CA6: variants seen among roughly 807,000 people sequenced by gnomAD.
The protein encoded by CA6 is carbonate dehydratase VI.
Under a neutral mutation model 35.9 loss-of-function variants are expected in CA6, and 28 were observed. The observed-to-expected ratio is 0.78, with a 90% CI of 0.58 to 1.07. CA6 has a LOEUF of 1.07. CA6 is among the 50% of genes least tolerant of loss of function. The pLI is 0.00. For missense variants in CA6, 377 were observed against 382.0 expected (o/e 0.99, Z 0.11); for synonymous variants, 148 against 152.6 (o/e 0.97, Z 0.22).
In CA6 at chr1:8,957,210, C is replaced by T; in HGVS notation, c.333C>T (p.His111=). The change falls in exon 3 of 8, where the codon CAC becomes CAT. Residue 111 remains histidine, a synonymous_variant. Transcript: ENST00000377443. ...CTGTATACATAGCCCAGCAGATGCA[C>T]TTTCACTGGGGAGGTGCGTCCTCGG... The part of the protein sequence containing the change: ...DGTVYIAQQM[H]FHWGGASSEI... The T allele has an allele frequency of 1.2e-6, 2 of 1,614,128 alleles. No homozygotes were observed. The highest frequency in any genetic ancestry group is 1.7e-6 in the Non-Finnish European group (2 of 1,180,010).
At chr1:8,972,649 C>CCGCAG (rs1640140237) in intron 7 of CA6, among the ~76,000 whole-genome samples, 1 of 152,062 alleles carries the variant, frequency 6.6e-6, no homozygotes, top group East Asian at 1.9e-4. Flanking sequence ...CGCCACTGCA[C>CCGCAG]TCCAGCCTGG....
chr1:8,947,408 GA>G (rs1185276440), intron 1 of CA6, among the ~76,000 whole-genome samples: 2 of 152,098 alleles, frequency 1.3e-5, no homozygotes, highest in Non-Finnish European at 2.9e-5. Flanking sequence ...TGAACGGGAT[GA>G]TCTGTTAAGT....
intron 7 of CA6, 144 bp from the exon 8 acceptor site, chr1:8,974,478 C>T (rs1640215092): frequency 2.0e-6 from 3 of 1,490,530 alleles, no homozygotes; most frequent in Non-Finnish European, 2.7e-6. Flanking sequence ...AAAGGCAATG[C>T]ACCGGGCACG....
At position 8,948,211 on chromosome 1, in the gene CA6, A is replaced by G. The variant is rs116632814; in HGVS notation, c.80-1052A>G. Among the ~76,000 whole-genome samples, 239 of 152,140 alleles carry G rather than the reference A, an allele frequency of 1.6e-3. 5 individuals are homozygous for G. The highest frequency in any genetic ancestry group is 5.6e-3 in the African/African-American group (231 of 41,446). On this transcript the variant is annotated intron_variant, in intron 1 of 7. Transcript: ENST00000377443. ...ACAGCTACCCCCGAACAGGGAACAG[A>G]GGTGGGATTCTCCATGTCACATGGC...
intron 2 of CA6, among the ~76,000 whole-genome samples, chr1:8,951,172 T>G (rs1315821755): frequency 6.7e-6 from 1 of 149,416 alleles, no homozygotes; most frequent in Non-Finnish European, 1.5e-5. Flanking sequence ...GCCAAGATCG[T>G]GCCATTGCAC....
At chr1:8,974,300 C>A in intron 7 of CA6, 1 of 1,255,164 alleles carries the variant, frequency 8.0e-7, no homozygotes, top group Admixed American at 3.1e-5. Flanking sequence ...TGGCCAAATA[C>A]GGACCTCTTG....
At chr1:8,961,392 A>G (rs12122823) in intron 4 of CA6, among the ~76,000 whole-genome samples, 6,979 of 152,314 alleles carry the variant, frequency 0.046, 191 homozygotes, top group East Asian at 0.1. Context: ...TAATATATGT[A>G]GATATAATGC....
intron 5 of CA6, among the ~76,000 whole-genome samples, chr1:8,967,082 CAGAG>C (rs1639988419): frequency 6.6e-6 from 1 of 152,206 alleles, no homozygotes; most frequent in African/African-American, 2.4e-5. Context: ...CTTGGCCTCC[CAGAG>C]TGTTGAGATT....
chr1:8,952,054 A>G (rs115044922), intron 2 of CA6: 2,140 of 152,894 alleles, frequency 0.014, 70 homozygotes, highest in African/African-American at 0.049. Context: ...TCCTTGCCTC[A>G]AGTGCTCTGC....
intron 2 of CA6, among the ~76,000 whole-genome samples, chr1:8,953,077 A>G (rs536022440): frequency 6.6e-6 from 1 of 152,250 alleles, no homozygotes; most frequent in South Asian, 2.1e-4. Context: ...TGATCTTTTT[A>G]TTTGACCTAT....
intron 4 of CA6, among the ~76,000 whole-genome samples, chr1:8,961,608 A>G (rs1639844399): frequency 6.6e-6 from 1 of 152,224 alleles, no homozygotes; most frequent in South Asian, 2.1e-4. Flanking sequence ...GAAGGCAGTA[A>G]AGGTGGACCA....
rs185959046 is a variant in CA6 at position 8,947,918 on chromosome 1, C to T, written c.80-1345C>T. On this transcript the variant is annotated intron_variant, in intron 1 of 7. Transcript: ENST00000377443. Reference sequence around the variant, plus strand: ...GGAGTGCAGTGGCGCGATCTCGGCTCACCGCAACCTCTGCCTCCTGGGTTC... The same window carrying T: ...GGAGTGCAGTGGCGCGATCTCGGCTTACCGCAACCTCTGCCTCCTGGGTTC... 1.6e-3 allele frequency among the ~76,000 whole-genome samples: 246 copies of T among 151,058 alleles called. 1 individual carries two copies. Among genetic ancestry groups the T allele is most frequent in the Non-Finnish European group, 2.8e-3 (188 of 67,948 alleles).
Position 8,970,920 on chromosome 1 carries a change from C to T in CA6, c.783C>T (p.Asn261=), listed in dbSNP as rs549441507. 29 of 1,614,090 alleles carry T rather than the reference C, an allele frequency of 1.8e-5. No homozygotes were observed. In the African/African-American group the frequency reaches 1.9e-4, roughly 10 times the overall value. ...ATCACCGCAACAAGACCATCCACAA[C>T]GATTACCGCAGGACCCAGCCCCTGA... ...LLDHRNKTIH[N]DYRRTQPLNH... The change falls in exon 7 of 8, where the codon AAC becomes AAT. Residue 261 remains asparagine (N), a synonymous_variant. Coordinates refer to ENST00000377443, the MANE Select transcript of CA6 (RefSeq NM_001215.4).
At chr1:8,949,042 A>G (rs1195444065) in intron 1 of CA6, among the ~76,000 whole-genome samples, 3 of 151,690 alleles carry the variant, frequency 2.0e-5, no homozygotes, top group African/African-American at 7.3e-5. Context: ...TTGCCACAGG[A>G]AAGTTAGAGG....
At chr1:8,962,246 A>AAC (rs1639859709) in intron 4 of CA6, among the ~76,000 whole-genome samples, 1 of 150,080 alleles carries the variant, frequency 6.7e-6, no homozygotes, top group African/African-American at 2.5e-5. Context: ...TTAAAAAAAA[A>AAC]AAAAAACTCA....
chr1:8,951,727 C>A, intron 2 of CA6: 1 of 753,142 alleles, frequency 1.3e-6, no homozygotes, highest in South Asian at 1.4e-5. Flanking sequence ...TTTCTGTGGT[C>A]CGGAAGCCTG....
chr1:8,964,984 C>T (rs562893644), intron 5 of CA6, among the ~76,000 whole-genome samples: 32 of 152,230 alleles, frequency 2.1e-4, no homozygotes, highest in Middle Eastern at 3.4e-3. Flanking sequence ...TGGCTCACAC[C>T]TGTAATCCCC....
At chr1:8,958,859 C>A in intron 3 of CA6, 51 bp from the exon 4 acceptor site, 1 of 968,172 alleles carries the variant, frequency 1.0e-6, no homozygotes, top group South Asian at 1.4e-5. Context: ...AAATCTTAAG[C>A]ATTTGAATTT....
intron 6 of CA6, among the ~76,000 whole-genome samples, chr1:8,968,818 T>A (rs1186103605): frequency 6.7e-6 from 1 of 148,316 alleles, no homozygotes; most frequent in African/African-American, 2.5e-5. Flanking sequence ...GAGTTTGAGA[T>A]CAGCCTGGCC....
Sources: gnomAD v4.1 joint callset for allele counts (sites outside exome capture counted in the v4.1 genomes callset) on GRCh38, gnomAD v4.1.1 for gene constraint, MANE v1.5 for transcripts, NCBI Gene and HGNC (gene_info 2026-07-23, HGNC 2026-07-21) for gene names.